Variants in DAB2IP observed in about 807,000 individuals in gnomAD.
DAB2IP encodes the protein DAB2 interacting protein.
In DAB2IP, 28 loss-of-function variants were observed where a neutral mutation model predicts 107.2. The ratio of observed to expected loss-of-function variants is 0.26; its 90% CI spans 0.19 to 0.36. The LOEUF (loss-of-function observed/expected upper bound fraction) is 0.36, where lower values mean the gene tolerates loss of function less well. DAB2IP is among the 10% of genes least tolerant of loss of function. The probability of loss-of-function intolerance (pLI) is 1.00; values close to 1 mark genes in which losing one functional copy is unlikely to be tolerated. For synonymous variants in DAB2IP, 755 were observed against 706.4 expected (o/e 1.07, Z -1.09); for missense variants, 1,400 against 1,644.7 (o/e 0.85, Z 2.57).
At chr9:121,737,412 A>G in intron 3 of DAB2IP, 1 of 985,444 alleles carries the variant, frequency 1.0e-6, no homozygotes, top group South Asian at 4.7e-5. Context: ...CTTGGAAGAC[A>G]CAGATTCAGC....
At chr9:121,750,771 CT>C (rs1833062041) in intron 3 of DAB2IP, among the ~76,000 whole-genome samples, 1 of 152,194 alleles carries the variant, frequency 6.6e-6, no homozygotes, top group Non-Finnish European at 1.5e-5. Flanking sequence ...GTTTGCTGAG[CT>C]TTTGTGTCAC....
chr9:121,761,678 G>A (rs1833904078), intron 6 of DAB2IP, among the ~76,000 whole-genome samples: 1 of 152,124 alleles, frequency 6.6e-6, no homozygotes, highest in African/African-American at 2.4e-5. Context: ...CCTCTGTAGT[G>A]CTCAGCTACC....
At chr9:121,666,308 A>C (rs903413765) in intron 1 of DAB2IP, among the ~76,000 whole-genome samples, 1 of 152,254 alleles carries the variant, frequency 6.6e-6, no homozygotes, top group African/African-American at 2.4e-5. Context: ...AATTAATCAC[A>C]TCTGCAAAGT....
At chr9:121,678,346 T>A (rs564555815) in intron 1 of DAB2IP, among the ~76,000 whole-genome samples, 1 of 152,268 alleles carries the variant, frequency 6.6e-6, no homozygotes, top group South Asian at 2.1e-4. Context: ...CAGAATGGTA[T>A]TCCTTTGCAT....
At position 121,629,496 on chromosome 9, in the gene DAB2IP, G is replaced by GGCCGGGCAGGC. The variant is rs527682893; in HGVS notation, c.41-49172_41-49162dup. 4.9e-4 allele frequency among the ~76,000 whole-genome samples: 74 copies of GGCCGGGCAGGC among 152,290 alleles called. 2 individuals are homozygous for GGCCGGGCAGGC. In the East Asian group the frequency reaches 0.013, roughly 26 times the overall value. The stretch of plus-strand genomic sequence containing the variant: ...AGGGTGGTGGTGGGTATGGCGGGCT[G>GGCCGGGCAGGC]GCCGGGCAGGCGCCGGGCAGACAGT... On this transcript the variant is annotated intron_variant, in intron 1 of 16. Coordinates refer to the DAB2IP transcript ENST00000259371.
At chr9:121,578,977 G>A (rs955825908) in intron 1 of DAB2IP, among the ~76,000 whole-genome samples, 1 of 151,942 alleles carries the variant, frequency 6.6e-6, no homozygotes, top group Non-Finnish European at 1.5e-5. Context: ...CCCACCAGTG[G>A]AATACCAACT....
intron 1 of DAB2IP, among the ~76,000 whole-genome samples, chr9:121,612,468 G>T (rs1169051164): frequency 1.3e-5 from 2 of 152,188 alleles, no homozygotes; most frequent in Admixed American, 6.5e-5. Flanking sequence ...TAGAGAAAAA[G>T]ATTTCTTTAA....
intron 1 of DAB2IP, among the ~76,000 whole-genome samples, chr9:121,594,350 G>C (rs573771753): frequency 6.6e-6 from 1 of 150,912 alleles, no homozygotes. Flanking sequence ...GGGTTCTCCT[G>C]TCTCAGCCTC....
intron 1 of DAB2IP, among the ~76,000 whole-genome samples, chr9:121,615,475 G>A (rs1260760602): frequency 6.6e-6 from 1 of 152,114 alleles, no homozygotes; most frequent in Non-Finnish European, 1.5e-5. Context: ...CCAAAGCCCA[G>A]AGAACTCAGT....
At chr9:121,631,812 C>CT (rs1831894775) in intron 1 of DAB2IP, among the ~76,000 whole-genome samples, 1 of 80,234 alleles carries the variant, frequency 1.2e-5, no homozygotes, top group African/African-American at 5.3e-5. Flanking sequence ...AAGACTCCGT[C>CT]TAAAAAAAAA....
intron 1 of DAB2IP, among the ~76,000 whole-genome samples, chr9:121,658,255 C>T (rs1833050692): frequency 6.6e-6 from 1 of 152,234 alleles, no homozygotes; most frequent in African/African-American, 2.4e-5. Context: ...GCACCTCCCT[C>T]TCGGGGCCAC....
In DAB2IP at chr9:121,651,812, A is replaced by C; in HGVS notation, c.37A>C (p.Arg13=). The change falls in exon 1 of 16, where the codon AGG becomes CGG. Residue 13 remains arginine, a synonymous_variant. Coordinates refer to ENST00000408936, the Ensembl canonical transcript of DAB2IP. This position sits in a 1 kb window ranked among gnomAD's most constrained non-coding sequence, Gnocchi z 5.1. The stretch of plus-strand genomic sequence containing the variant: ...CGGCAGCGCCAGGAAGAGCACCGGG[A>C]GGTCCTCCTACTACTACCGGCTGCT... 6.8e-7 allele frequency: 1 copy of C among 1,462,272 alleles called. No individual in the cohort carries two copies. The highest frequency in any genetic ancestry group is 2.8e-5 in the East Asian group (1 of 35,164). 90.6% of individuals were successfully genotyped at this position (1,462,272 alleles called of 1,614,324 possible).
chr9:121,651,880 C>A lies in DAB2IP; in HGVS notation c.105C>A (p.Ser35Arg), dbSNP rs974297940. The change falls in exon 1 of 16, where the codon AGC becomes AGA. Residue 35 changes from serine (S) to arginine (R), a missense_variant. Coordinates refer to ENST00000408936, the Ensembl canonical transcript of DAB2IP. The surrounding 1 kb of genome is among the most constrained non-coding windows in gnomAD (Gnocchi z 5.1). ...AGCGACAGAGGAGCCGCTCCCGCAG[C>A]CGGACCCGGCCTGCCAGGGGTAGGC... is the stretch of plus-strand genomic sequence containing the variant. 1 of 1,428,442 alleles carries A rather than the reference C, an allele frequency of 7.0e-7. No individual in the cohort carries two copies. Among genetic ancestry groups the A allele is most frequent in the African/African-American group, 1.5e-5 (1 of 68,580 alleles). 88.5% of individuals were successfully genotyped at this position (1,428,442 alleles called of 1,614,324 possible). A position where few individuals can be genotyped will look rare whatever the true frequency, so the allele number is the denominator to read the frequency against.
exon 12 of DAB2IP, chr9:121,773,467 A>C: frequency 6.6e-7 from 1 of 1,520,670 alleles, no homozygotes; most frequent in Non-Finnish European, 8.8e-7. Context: ...GACAGCCCAG[A>C]ACTGAAGCCA....
At chr9:121,720,758 C>T (rs2118814893) in intron 3 of DAB2IP, among the ~76,000 whole-genome samples, 1 of 152,156 alleles carries the variant, frequency 6.6e-6, no homozygotes, top group South Asian at 2.1e-4. Context: ...CTGCAGTAGG[C>T]ACCTGGCTCA....
At chr9:121,685,427 A>G (rs950021427) in intron 2 of DAB2IP, among the ~76,000 whole-genome samples, 2 of 152,156 alleles carry the variant, frequency 1.3e-5, no homozygotes, top group African/African-American at 4.8e-5. Context: ...CAGAGGTGGG[A>G]CTGCTGCAGT....
chr9:121,757,468 C>T (rs1309252850), intron 4 of DAB2IP, among the ~76,000 whole-genome samples: 1 of 152,218 alleles, frequency 6.6e-6, no homozygotes, highest in Non-Finnish European at 1.5e-5. Flanking sequence ...GCCTGAATTT[C>T]TTAAGCACCA....
chr9:121,573,159 C>A (rs1278933705), intron 1 of DAB2IP, among the ~76,000 whole-genome samples: 1 of 152,150 alleles, frequency 6.6e-6, no homozygotes, highest in Admixed American at 6.5e-5. Flanking sequence ...TCACTCCAAC[C>A]TCTGCCTCCT....
intron 2 of DAB2IP, among the ~76,000 whole-genome samples, chr9:121,685,022 C>G (rs1828794337): frequency 6.6e-6 from 1 of 152,158 alleles, no homozygotes; most frequent in Non-Finnish European, 1.5e-5. Flanking sequence ...CCCCAGTTTT[C>G]TCCTTGAAGT....
Sources: gnomAD v4.1 joint callset for allele counts (sites outside exome capture counted in the v4.1 genomes callset) on GRCh38, gnomAD v4.1.1 for gene constraint, Gnocchi (gnomAD v3.1) non-coding constraint, MANE v1.5 for transcripts, NCBI Gene and HGNC (gene_info 2026-07-23, HGNC 2026-07-21) for gene names.